Variants in TAAR1 observed in about 807,000 individuals in gnomAD.
The protein encoded by TAAR1 is trace amine associated receptor 1, also known as trace amine-associated receptor 1.
A neutral mutation model predicts 1.2 loss-of-function variants in TAAR1; 1 was observed. That is an observed-to-expected ratio of 0.81 (90% CI 0.29 to 3.86). The LOEUF (loss-of-function observed/expected upper bound fraction) is 3.86. Ranked by LOEUF, TAAR1 falls within the 30% of genes most tolerant of loss-of-function variation. TAAR1 has a pLI of 0.18. For synonymous variants in TAAR1, 153 were observed against 132.2 expected, an observed-to-expected ratio of 1.16 and a Z score of -1.08; for missense variants, 445 against 405.6, an observed-to-expected ratio of 1.10 and a Z score of -0.83.
chr6:132,655,515 A>C (rs1777796166), intron 1 of TAAR1, among the ~76,000 whole-genome samples: 1 of 151,854 alleles, frequency 6.6e-6, no homozygotes, highest in Non-Finnish European at 1.5e-5. Context: ...AAATAGATGG[A>C]ACCACAGATA....
intron 1 of TAAR1, among the ~76,000 whole-genome samples, chr6:132,658,692 T>C (rs1777836516): frequency 1.3e-5 from 2 of 152,144 alleles, no homozygotes; most frequent in African/African-American, 4.8e-5. Flanking sequence ...CATATTGTAA[T>C]TGTAAAACCT....
intron 1 of TAAR1, among the ~76,000 whole-genome samples, chr6:132,650,469 T>C (rs922643557): frequency 1.3e-5 from 2 of 152,222 alleles, no homozygotes; most frequent in African/African-American, 4.8e-5. Context: ...AAATGGACCA[T>C]TACAATTGCT....
chr6:132,657,728 C>T (rs556726329), intron 1 of TAAR1, among the ~76,000 whole-genome samples: 106 of 152,052 alleles, frequency 7.0e-4, no homozygotes, highest in African/African-American at 2.2e-3. Context: ...TCAAAAAACA[C>T]ACAAAAAGAT....
Position 132,645,626 on chromosome 6 carries a change from A to T in TAAR1, c.378T>A (p.Cys126Ter), listed in dbSNP as rs970060466. Reference sequence around the variant, plus strand: ...TCTTGGCTTTATATCTCAGTGGATCACACACAGCATAGTAGCGGTCAATGG... The same window carrying T: ...TCTTGGCTTTATATCTCAGTGGATCTCACACAGCATAGTAGCGGTCAATGG... ...FISIDRYYAV[C>*]DPLRYKAKMN... is the part of the protein sequence containing the mutation. The change falls in exon 2 of 2, where the codon TGT becomes TGA. Residue 126 changes from cysteine (C) to a stop codon, truncating the protein, a stop_gained. Coordinates refer to ENST00000275216, the MANE Select transcript of TAAR1 (RefSeq NM_138327.4). LOFTEE classifies it low-confidence loss of function (END_TRUNC). 5.0e-6 allele frequency: 8 copies of T among 1,613,558 alleles called. No homozygotes were observed. Among genetic ancestry groups the T allele is most frequent in the Non-Finnish European group, 6.8e-6 (8 of 1,179,794 alleles).
intron 1 of TAAR1, among the ~76,000 whole-genome samples, chr6:132,647,233 T>C (rs1156985152): frequency 6.6e-6 from 1 of 152,000 alleles, no homozygotes; most frequent in Admixed American, 6.6e-5. Context: ...AGGCCTCCTC[T>C]TCTTGTACTT....
Position 132,645,869 on chromosome 6 carries a change from A to T in TAAR1, c.135T>A (p.Ile45=), listed in dbSNP as rs779343984. The change falls in exon 2 of 2, where the codon ATT becomes ATA. Residue 45 remains isoleucine (I), a synonymous_variant. Transcript: ENST00000275216. ...LTTLVGNLIV[I]VSISHFKQLH... Reference sequence around the variant, plus strand: ...GTTGTTTGAAGTGTGATATAGAAACAATAACTATCAGATTGCCAACGAGTG... The same window carrying T: ...GTTGTTTGAAGTGTGATATAGAAACTATAACTATCAGATTGCCAACGAGTG... 2 of 1,613,840 alleles carry T rather than the reference A, an allele frequency of 1.2e-6. No homozygotes were observed. Among genetic ancestry groups the T allele is most frequent in the African/African-American group, 1.3e-5 (1 of 75,022 alleles).
In TAAR1 at chr6:132,645,771, G is replaced by T. The variant is rs1320473160; in HGVS notation, c.233C>A (p.Pro78His). 6.2e-7 allele frequency: 1 copy of T among 1,613,658 alleles called. No individual in the cohort carries two copies. The highest frequency in any genetic ancestry group is 8.5e-7 in the Non-Finnish European group (1 of 1,179,814). ...CTCAGCAGATCTCACCATACTGTAAGGCATGACCAGACACCCCAGAAGAAA... is the reference window on the plus strand; with the variant it reads ...CTCAGCAGATCTCACCATACTGTAATGCATGACCAGACACCCCAGAAGAAA... ...VDFLLGCLVM[P>H]YSMVRSAEHC... The change falls in exon 2 of 2, where the codon CCT (proline) becomes CAT (histidine). Residue 78 changes from proline to histidine, a missense_variant. By Grantham distance (77) the Pro-to-His change is moderately conservative. Transcript: ENST00000275216.
chr6:132,656,518 T>C (rs921775983), intron 1 of TAAR1, among the ~76,000 whole-genome samples: 1 of 152,074 alleles, frequency 6.6e-6, no homozygotes, highest in Non-Finnish European at 1.5e-5. Context: ...CTCCAAGGCC[T>C]GAAAATATCT....
At position 132,645,712 on chromosome 6, in the gene TAAR1, T is replaced by C. The variant is rs1224054586; in HGVS notation, c.292A>G (p.Ile98Val). 1 of 1,613,644 alleles carries C rather than the reference T, an allele frequency of 6.2e-7. No individual in the cohort carries two copies. Among genetic ancestry groups the C allele is most frequent in the Admixed American group, 1.7e-5 (1 of 59,870 alleles). Residue 98 changes from isoleucine to valine, a missense_variant, in exon 2 of 2, where the codon ATT becomes GTT. Transcript: ENST00000275216. ...CWYFGEVFCK[I>V]HTSTDIMLSS... ...AGCATAATGTCGGTGCTTGTGTGAA[T>C]TTTACAGAAGACTTCTCCAAAATAC...
intron 1 of TAAR1, among the ~76,000 whole-genome samples, chr6:132,649,968 T>C (rs1364361865): frequency 6.6e-6 from 1 of 152,218 alleles, no homozygotes; most frequent in Non-Finnish European, 1.5e-5. Flanking sequence ...CTAAAGTTCT[T>C]AGCAATTTTA....
chr6:132,649,034 T>C (rs145787583), intron 1 of TAAR1, among the ~76,000 whole-genome samples: 1 of 152,300 alleles, frequency 6.6e-6, no homozygotes, highest in East Asian at 1.9e-4. Flanking sequence ...GCCTCAACTT[T>C]CCAACAGAAG....
chr6:132,654,177 A>G (rs1254565965), intron 1 of TAAR1, among the ~76,000 whole-genome samples: 1 of 151,986 alleles, frequency 6.6e-6, no homozygotes, highest in African/African-American at 2.4e-5. Flanking sequence ...TGTTAGGATC[A>G]GATATTCTCA....
chr6:132,657,547 T>C (rs1468760430), intron 1 of TAAR1, among the ~76,000 whole-genome samples: 4 of 152,018 alleles, frequency 2.6e-5, no homozygotes, highest in African/African-American at 9.7e-5. Flanking sequence ...TTATGTATTC[T>C]AAAATATCAT....
At chr6:132,647,679 A>AGAAAGAAAGAAAGAAG (rs1554208990) in intron 1 of TAAR1, among the ~76,000 whole-genome samples, 2 of 148,376 alleles carry the variant, frequency 1.3e-5, no homozygotes, top group Admixed American at 6.7e-5. Context: ...AAAGAAAGAA[A>AGAAAGAAAGAAAGAAG]GAAGAAAGAA....
At chr6:132,652,331 G>A (rs1424754472) in intron 1 of TAAR1, among the ~76,000 whole-genome samples, 1 of 144,090 alleles carries the variant, frequency 6.9e-6, no homozygotes. Flanking sequence ...CTGAGATGGA[G>A]TCTTGCTCTG....
intron 1 of TAAR1, among the ~76,000 whole-genome samples, chr6:132,651,092 G>A (rs1777743460): frequency 6.6e-6 from 1 of 152,138 alleles, no homozygotes. Flanking sequence ...CAGGCCTCAA[G>A]TTCTTGCTTG....
chr6:132,651,691 G>A (rs1392951692), intron 1 of TAAR1, among the ~76,000 whole-genome samples: 1 of 152,048 alleles, frequency 6.6e-6, no homozygotes, highest in South Asian at 2.1e-4. Flanking sequence ...CTCCCAGCTG[G>A]TTCCCCTGCT....
chr6:132,646,388 T>C (rs1777672904), intron 1 of TAAR1, among the ~76,000 whole-genome samples: 1 of 152,254 alleles, frequency 6.6e-6, no homozygotes, highest in South Asian at 2.1e-4. Context: ...CAAATGATGA[T>C]TATGATCACA....
At chr6:132,655,246 T>C (rs73775173) in intron 1 of TAAR1, among the ~76,000 whole-genome samples, 3,347 of 152,182 alleles carry the variant, frequency 0.022, 125 homozygotes, top group African/African-American at 0.076. Flanking sequence ...TACAGACATT[T>C]TGAAAACCCA....
Sources: allele counts gnomAD v4.1 joint callset (sites outside exome capture counted in the v4.1 genomes callset), GRCh38; gene constraint gnomAD v4.1.1; transcripts MANE v1.5; gene names NCBI Gene and HGNC (gene_info 2026-07-23, HGNC 2026-07-21).